ANO4: variants seen among roughly 807,000 people sequenced by gnomAD.
ANO4 encodes the protein anoctamin 4.
Under a neutral mutation model 141.9 loss-of-function variants are expected in ANO4, and 69 were observed. That is an observed-to-expected ratio of 0.49 (90% confidence interval 0.40 to 0.59). The LOEUF is 0.59. Ranked by LOEUF, ANO4 falls within the 20% of genes least tolerant of loss-of-function variation. ANO4 has a pLI of 0.00. For synonymous variants in ANO4, 350 were observed against 394.3 expected (o/e 0.89, Z 1.33); for missense variants, 894 against 1,162.2 (o/e 0.77, Z 3.36).
At chr12:100,895,441 T>C (rs2040302568) in intron 1 of ANO4, among the ~76,000 whole-genome samples, 1 of 151,992 alleles carries the variant, frequency 6.6e-6, no homozygotes, top group Admixed American at 6.6e-5. Flanking sequence ...ACCTTGGAAG[T>C]GGGCCAGAGA....
intron 3 of ANO4, among the ~76,000 whole-genome samples, chr12:100,926,782 G>A (rs566164860): frequency 2.6e-5 from 4 of 152,148 alleles, no homozygotes; most frequent in Admixed American, 2.0e-4. Flanking sequence ...GAAAGCCTGA[G>A]CTTCCAAGAC....
At chr12:101,003,018 C>T (rs2045717114) in intron 8 of ANO4, among the ~76,000 whole-genome samples, 1 of 152,212 alleles carries the variant, frequency 6.6e-6, no homozygotes, top group Non-Finnish European at 1.5e-5. Context: ...AACCTCAGCC[C>T]TCTCTCCTAT....
intron 1 of ANO4, among the ~76,000 whole-genome samples, chr12:100,798,127 C>T (rs1463804605): frequency 1.3e-5 from 2 of 152,288 alleles, no homozygotes; most frequent in Middle Eastern, 3.4e-3. Context: ...GATATGTTTA[C>T]TGTCTAAAAG....
chr12:101,038,486 A>C (rs988612080), intron 10 of ANO4: 1 of 152,308 alleles, frequency 6.6e-6, no homozygotes, highest in South Asian at 2.1e-4. Flanking sequence ...TTTCACAATG[A>C]CTTTCCTATC....
chr12:100,743,117 T>C (rs1222150792), intron 3 of ANO4, among the ~76,000 whole-genome samples: 1 of 152,108 alleles, frequency 6.6e-6, no homozygotes, highest in East Asian at 1.9e-4. Context: ...TCTCAGGAGC[T>C]CAGAGTCTAG....
chr12:101,126,817 C>A, intron 26 of ANO4, 62 bp from the exon 27 acceptor site: 1 of 1,478,890 alleles, frequency 6.8e-7, no homozygotes, highest in Non-Finnish European at 9.3e-7. Flanking sequence ...CTTCAGCCAA[C>A]TCTCTAACCT....
chr12:101,111,941 G>A (rs1479683236), intron 24 of ANO4, among the ~76,000 whole-genome samples: 1 of 152,064 alleles, frequency 6.6e-6, no homozygotes. Context: ...AGTCAGACAG[G>A]TTTTAGATGG....
intron 8 of ANO4, among the ~76,000 whole-genome samples, chr12:101,016,856 A>G (rs779533219): frequency 1.1e-4 from 17 of 152,216 alleles, no homozygotes; most frequent in Non-Finnish European, 1.9e-4. Context: ...AGGTGATTAC[A>G]GTGTTATCCC....
intron 14 of ANO4, among the ~76,000 whole-genome samples, chr12:101,061,668 C>T (rs745642527): frequency 1.3e-5 from 2 of 151,558 alleles, no homozygotes; most frequent in Admixed American, 6.6e-5. Context: ...TCTGCTTGAT[C>T]GACTCGACTA....
intron 8 of ANO4, among the ~76,000 whole-genome samples, chr12:101,015,807 T>C (rs1486840961): frequency 2.0e-5 from 3 of 152,220 alleles, no homozygotes; most frequent in South Asian, 4.1e-4. Flanking sequence ...CCAAGCCTCA[T>C]GTTTGCCAGA....
chr12:101,050,508 A>G (rs944253589), intron 14 of ANO4, among the ~76,000 whole-genome samples: 5 of 152,216 alleles, frequency 3.3e-5, no homozygotes, highest in Admixed American at 6.5e-5. Flanking sequence ...ATCTATTAGT[A>G]TCATACACCG....
intron 5 of ANO4, among the ~76,000 whole-genome samples, chr12:100,960,895 T>C (rs1439287907): frequency 1.3e-5 from 2 of 152,186 alleles, no homozygotes; most frequent in African/African-American, 2.4e-5. Flanking sequence ...AGGGAAAACA[T>C]TATGATGGTC....
intron 21 of ANO4, among the ~76,000 whole-genome samples, chr12:101,099,033 C>T (rs7312813): frequency 0.063 from 9,529 of 152,170 alleles, 972 homozygotes; most frequent in African/African-American, 0.21. Flanking sequence ...TTACCAATGC[C>T]GGGTGCATTT....
intron 5 of ANO4, among the ~76,000 whole-genome samples, chr12:100,953,142 G>T (rs1398359044): frequency 2.0e-5 from 3 of 152,232 alleles, no homozygotes; most frequent in African/African-American, 7.2e-5. Context: ...TGTGCCACAT[G>T]TGGGCATTGT....
intron 1 of ANO4, among the ~76,000 whole-genome samples, chr12:100,832,649 T>C (rs1325687442): frequency 6.6e-6 from 1 of 152,126 alleles, no homozygotes; most frequent in Admixed American, 6.6e-5. Context: ...GTTCTTTTCT[T>C]TGCTGTGCTT....
At chr12:100,961,171 C>G in intron 5 of ANO4, among the ~76,000 whole-genome samples, 1 of 152,156 alleles carries the variant, frequency 6.6e-6, no homozygotes, top group Admixed American at 6.5e-5. Context: ...CACTAGGCAA[C>G]ACAGTGCACA....
At chr12:100,978,141 G>C (rs953327871) in intron 7 of ANO4, among the ~76,000 whole-genome samples, 13 of 152,196 alleles carry the variant, frequency 8.5e-5, no homozygotes, top group Non-Finnish European at 1.3e-4. Flanking sequence ...CTCTACCTGG[G>C]TGGTATTTGA....
chr12:100,775,567 C>T (rs1000321725), intron 3 of ANO4, among the ~76,000 whole-genome samples: 1 of 152,198 alleles, frequency 6.6e-6, no homozygotes, highest in African/African-American at 2.4e-5. Context: ...GTCTGTCTCT[C>T]AGAATCTCAA....
chr12:100,799,329 C>T (rs73387627), intron 1 of ANO4, among the ~76,000 whole-genome samples: 1,537 of 152,252 alleles, frequency 0.01, 30 homozygotes, highest in African/African-American at 0.036. Flanking sequence ...GTGACAGTGA[C>T]GTGAGCATCA....
Sources: gnomAD v4.1 joint callset for allele counts (sites outside exome capture counted in the v4.1 genomes callset) on GRCh38, gnomAD v4.1.1 for gene constraint, MANE v1.5 for transcripts, NCBI Gene and HGNC (gene_info 2026-07-23, HGNC 2026-07-21) for gene names.